Variants in MYO1E observed in about 807,000 individuals in gnomAD.
The protein encoded by MYO1E is unconventional myosin-Ie.
MYO1E carries 68 observed loss-of-function variants against 151.1 expected under a neutral mutation model. The observed-to-expected ratio is 0.45, with a 90% CI of 0.37 to 0.55. The LOEUF is 0.55. Ranked by LOEUF, MYO1E falls within the 20% of genes least tolerant of loss-of-function variation. The probability of loss-of-function intolerance (pLI) is 0.00; values close to 1 mark genes in which losing one functional copy is unlikely to be tolerated. For missense variants in MYO1E, 1,363 were observed against 1,389.3 expected, an observed-to-expected ratio of 0.98 and a Z score of 0.30; for synonymous variants, 601 against 501.7, an observed-to-expected ratio of 1.20 and a Z score of -2.64.
intron 1 of MYO1E, among the ~76,000 whole-genome samples, chr15:59,338,263 T>C (rs372027506): frequency 1.3e-5 from 2 of 148,992 alleles, no homozygotes; most frequent in East Asian, 4.0e-4. Flanking sequence ...ATAATAGCTA[T>C]ATAAACTAGA....
intron 16 of MYO1E, among the ~76,000 whole-genome samples, chr15:59,198,846 C>A (rs1254405780): frequency 6.6e-6 from 1 of 150,910 alleles, no homozygotes; most frequent in African/African-American, 2.4e-5. Context: ...AAAAACAAAC[C>A]AAAAAAACCC....
chr15:59,153,643 T>C lies in MYO1E; in HGVS notation c.3027A>G (p.Ser1009=), dbSNP rs1255123852. 1 of 1,614,142 alleles carries C rather than the reference T, an allele frequency of 6.2e-7. No individual in the cohort carries two copies. The highest frequency in any genetic ancestry group is 1.1e-5 in the South Asian group (1 of 91,080). Residue 1009 remains serine (S), a synonymous_variant, in exon 26 of 28, where the codon TCA becomes TCG. Transcript: ENST00000288235. ...RQQSTSSDRV[S]QTPESLDFLK... is the part of the protein sequence containing the mutation. ...GGAAATCCAGGCTCTCTGGCGTCTGTGACACTCGGTCTGAACTGGTAGACT... is the reference window on the plus strand; with the variant it reads ...GGAAATCCAGGCTCTCTGGCGTCTGCGACACTCGGTCTGAACTGGTAGACT...
At position 59,207,354 on chromosome 15, in the gene MYO1E, C is replaced by A. The variant is rs775019447; in HGVS notation, c.1530+1327G>T. ...AAGATTACTTTGTCACAGCAAACTC[C>A]AACCTAGTGATTATCACAGCAGGTG... On this transcript the variant is annotated intron_variant, in intron 14 of 27. Transcript: ENST00000288235. The A allele has an allele frequency of 5.3e-5, 85 of 1,613,884 alleles. 1 individual carries two copies. The South Asian group carries it at 8.8e-4, about 17-fold the overall frequency.
chr15:59,217,519 C>CTTTTTTTTTTTTTTTTTT (rs1164320277), intron 10 of MYO1E, among the ~76,000 whole-genome samples: 7 of 53,164 alleles, frequency 1.3e-4, no homozygotes, highest in African/African-American at 4.9e-4. Flanking sequence ...GTCGTTTTAC[C>CTTTTTTTTTTTTTTTTTT]TTTTTTTTTT....
intron 4 of MYO1E, among the ~76,000 whole-genome samples, chr15:59,237,703 C>T (rs1247918022): frequency 6.6e-6 from 1 of 152,182 alleles, no homozygotes; most frequent in Non-Finnish European, 1.5e-5. Flanking sequence ...GAATATCCAG[C>T]CCAAATTAAT....
At chr15:59,372,389 C>G (rs2080952204) in intron 1 of MYO1E, 109 bp downstream of exon 1, 6 of 1,373,522 alleles carry the variant, frequency 4.4e-6, no homozygotes, top group Admixed American at 4.0e-5. Flanking sequence ...CCCGCGTCCA[C>G]CTTCTCCACC....
At chr15:59,324,428 T>C (rs1196861167) in intron 1 of MYO1E, among the ~76,000 whole-genome samples, 16 of 152,130 alleles carry the variant, frequency 1.1e-4, no homozygotes, top group Admixed American at 7.2e-4. Flanking sequence ...ATGACCTGCT[T>C]CTGGGTCTGG....
At chr15:59,276,961 G>A (rs952481566) in intron 1 of MYO1E, among the ~76,000 whole-genome samples, 1 of 152,194 alleles carries the variant, frequency 6.6e-6, no homozygotes, top group Non-Finnish European at 1.5e-5. Flanking sequence ...TAGTGTCCCA[G>A]GGAGCACTGT....
chr15:59,226,122 G>A (rs1447161997), intron 7 of MYO1E, among the ~76,000 whole-genome samples: 1 of 152,144 alleles, frequency 6.6e-6, no homozygotes, highest in African/African-American at 2.4e-5. Flanking sequence ...TATTATTTAT[G>A]TGAAATATAT....
intron 1 of MYO1E, among the ~76,000 whole-genome samples, chr15:59,344,254 T>C (rs2080781602): frequency 6.6e-6 from 1 of 152,254 alleles, no homozygotes; most frequent in Non-Finnish European, 1.5e-5. Flanking sequence ...CCAGTAACAC[T>C]GTAGTTCTTG....
At chr15:59,239,043 TA>T (rs2080083244) in intron 4 of MYO1E, among the ~76,000 whole-genome samples, 1 of 151,082 alleles carries the variant, frequency 6.6e-6, no homozygotes, top group Non-Finnish European at 1.5e-5. Flanking sequence ...CCGTCTCTAC[TA>T]AAAATACAAA....
chr15:59,247,748 G>T (rs2080138838), intron 4 of MYO1E, among the ~76,000 whole-genome samples: 1 of 152,194 alleles, frequency 6.6e-6, no homozygotes, highest in Non-Finnish European at 1.5e-5. Context: ...ATCTCTGGAG[G>T]TGGAGCCTAC....
chr15:59,304,997 T>C (rs1251908639), intron 1 of MYO1E, among the ~76,000 whole-genome samples: 2 of 152,212 alleles, frequency 1.3e-5, no homozygotes, highest in Non-Finnish European at 2.9e-5. Flanking sequence ...AGTCGGCTTA[T>C]GGCCAACAGG....
intron 4 of MYO1E, among the ~76,000 whole-genome samples, chr15:59,248,435 C>T (rs1011892049): frequency 7.8e-6 from 1 of 127,604 alleles, no homozygotes; most frequent in Non-Finnish European, 1.6e-5. Flanking sequence ...TGCAGTGAGC[C>T]GAGATCACAC....
At chr15:59,162,183 G>GCCA (rs2079541515) in intron 23 of MYO1E, among the ~76,000 whole-genome samples, 1 of 152,094 alleles carries the variant, frequency 6.6e-6, no homozygotes, top group African/African-American at 2.4e-5. Flanking sequence ...CTACAGGCAT[G>GCCA]CACCACCATA....
At chr15:59,213,145 A>AT (rs1491088897) in intron 12 of MYO1E, among the ~76,000 whole-genome samples, 687 of 47,610 alleles carry the variant, frequency 0.014, 21 homozygotes, top group Middle Eastern at 0.014. Context: ...ATTTATTATT[A>AT]TTATTATTAT....
chr15:59,217,862 C>G, intron 10 of MYO1E, 29 bp downstream of exon 10: 3 of 1,610,044 alleles, frequency 1.9e-6, no homozygotes, highest in Non-Finnish European at 2.6e-6. Flanking sequence ...AGATATGAAG[C>G]ATCACCAGCA....
intron 1 of MYO1E, among the ~76,000 whole-genome samples, chr15:59,324,815 C>T (rs2140419285): frequency 6.6e-6 from 1 of 152,206 alleles, no homozygotes; most frequent in South Asian, 2.1e-4. Flanking sequence ...CTCCTAAAGG[C>T]CTTGCTTCTA....
chr15:59,161,054 G>T lies in MYO1E; in HGVS notation c.2785+19C>A, dbSNP rs773372483. 8.1e-6 allele frequency: 13 copies of T among 1,612,462 alleles called. No individual in the cohort carries two copies. On this transcript the variant is annotated intron_variant, in intron 24 of 27. Coordinates refer to ENST00000288235, the MANE Select transcript of MYO1E (RefSeq NM_004998.4). ...GGGAGCGGCGGCAGTTCTGCCTGCA[G>T]GGCCCGTGGAGCACTTACGGGAGTT... is the stretch of plus-strand genomic sequence containing the variant.
Sources: gnomAD v4.1 joint callset for allele counts (sites outside exome capture counted in the v4.1 genomes callset) on GRCh38, gnomAD v4.1.1 for gene constraint, MANE v1.5 for transcripts, NCBI Gene and HGNC (gene_info 2026-07-23, HGNC 2026-07-21) for gene names.